The following HTT variants were observed in gnomAD, a reference collection of about 807,000 sequenced individuals.
HTT encodes huntingtin.
In HTT, 104 loss-of-function variants were observed where a neutral mutation model predicts 362.3. The ratio of observed to expected loss-of-function variants is 0.29; its 90% CI spans 0.24 to 0.34. HTT has a LOEUF of 0.34. Among genes scored for constraint, HTT ranks in the 10% least tolerant of loss-of-function variants. The pLI, the probability that HTT is intolerant of heterozygous loss-of-function variation, is 1.00. For missense variants in HTT, 3,301 were observed against 3,928.6 expected, an observed-to-expected ratio of 0.84 and a Z score of 4.27; for synonymous variants, 1,577 against 1,548.7, an observed-to-expected ratio of 1.02 and a Z score of -0.43.
intron 37 of HTT, among the ~76,000 whole-genome samples, chr4:3,183,859 G>A (rs1718637482): frequency 6.6e-6 from 1 of 152,204 alleles, no homozygotes; most frequent in African/African-American, 2.4e-5. Flanking sequence ...TGCAGCACCT[G>A]CCAGGTAGCT....
chr4:3,209,640 A>G (rs569996192), intron 46 of HTT, among the ~76,000 whole-genome samples, 187 bp from the exon 47 acceptor site: 2 of 152,270 alleles, frequency 1.3e-5, no homozygotes, highest in African/African-American at 4.8e-5. Flanking sequence ...GTGCCCAGGC[A>G]GGTAACAGAA....
chr4:3,127,564 G>A lies in HTT; in HGVS notation c.1703G>A (p.Gly568Glu). 6.2e-7 allele frequency: 1 copy of A among 1,614,010 alleles called. No homozygotes were observed. Among genetic ancestry groups the A allele is most frequent in the East Asian group, 2.2e-5 (1 of 44,880 alleles). ...GACAGCTCCCAGACCACCACCGAAGGGCCTGATTCAGCTGTTACCCCTTCA... is the reference window on the plus strand; with the variant it reads ...GACAGCTCCCAGACCACCACCGAAGAGCCTGATTCAGCTGTTACCCCTTCA... ...ISDSSQTTTE[G>E]PDSAVTPSDS... is the part of the protein sequence containing the mutation. The change falls in exon 12 of 67, where the codon GGG (glycine) becomes GAG (glutamate). Residue 568 changes from glycine (G) to glutamate (E), a missense_variant. Physicochemically the swap from Gly to Glu is moderately conservative, Grantham distance 98. Around this residue, in one of 4 missense-constraint regions of HTT, gnomAD observed 2,316 missense variants for 2,658.5 expected, o/e 0.87. Transcript: ENST00000355072.
At chr4:3,079,958 C>T (rs114828069) in intron 1 of HTT, among the ~76,000 whole-genome samples, 260 of 152,244 alleles carry the variant, frequency 1.7e-3, no homozygotes, top group Middle Eastern at 6.8e-3. Flanking sequence ...CAGTAGCTTG[C>T]GTTATCAGGT....
chr4:3,136,120 A>G lies in HTT; in HGVS notation c.2698-106A>G, dbSNP rs1578526616. On this transcript the variant is annotated intron_variant, in intron 20 of 66. Coordinates refer to ENST00000355072, the MANE Select transcript of HTT (RefSeq NM_001388492.1). The stretch of plus-strand genomic sequence containing the variant: ...AGTTATAATCTTGTCATATGGATTT[A>G]AGTCTAGTAATGTTGAGTTCTTTCT... 3.3e-6 allele frequency: 3 copies of G among 899,224 alleles called. No individual in the cohort carries two copies. In the East Asian group the frequency reaches 7.7e-5, roughly 23 times the overall value. 55.7% of individuals were successfully genotyped at this position (899,224 alleles called of 1,614,324 possible). A position where few individuals can be genotyped will look rare whatever the true frequency, so the allele number is the denominator to read the frequency against.
chr4:3,135,997 T>G (rs753622019), intron 20 of HTT, 30 bp downstream of exon 20: 3 of 1,503,170 alleles, frequency 2.0e-6, no homozygotes, highest in Non-Finnish European at 2.7e-6. Context: ...GAGATGCTGT[T>G]TTACCTTCAA....
rs76387773 is a variant in HTT, at chr4:3,222,827, A to G, written c.7470+340A>G. The stretch of plus-strand genomic sequence containing the variant: ...AATGAAAAGGCACTTTATAAAGGCC[A>G]TGAGTAGTACCTGGTTTCATTTTTC... On this transcript the variant is annotated intron_variant, in intron 54 of 66. Transcript: ENST00000355072. Among the ~76,000 whole-genome samples, 581 of 152,358 alleles carry G rather than the reference A, an allele frequency of 3.8e-3. 2 individuals are homozygous for G. The highest frequency in any genetic ancestry group is 5.9e-3 in the Non-Finnish European group (401 of 68,040).
chr4:3,143,465 A>AAAGTAAAC (rs1206539815), intron 23 of HTT, among the ~76,000 whole-genome samples: 2 of 151,488 alleles, frequency 1.3e-5, no homozygotes, highest in African/African-American at 4.8e-5. Context: ...AGAAAAGAAA[A>AAAGTAAAC]AAGTAAACTA....
chr4:3,167,140 C>T (rs1312126928), intron 29 of HTT, among the ~76,000 whole-genome samples: 8 of 152,218 alleles, frequency 5.3e-5, no homozygotes, highest in South Asian at 4.1e-4. Context: ...GGCACAATCT[C>T]GGCCCACTGC....
intron 6 of HTT, among the ~76,000 whole-genome samples, chr4:3,109,779 G>A (rs1714640209): frequency 6.6e-6 from 1 of 152,104 alleles, no homozygotes; most frequent in African/African-American, 2.4e-5. Flanking sequence ...GTTGGTGACT[G>A]TACCTTCATG....
chr4:3,200,521 C>G (rs868426168), intron 41 of HTT, among the ~76,000 whole-genome samples: 1 of 152,200 alleles, frequency 6.6e-6, no homozygotes, highest in Non-Finnish European at 1.5e-5. Flanking sequence ...GTGACCACCC[C>G]CAACCCTGGC....
At chr4:3,094,455 C>G (rs766684009) in intron 2 of HTT, among the ~76,000 whole-genome samples, 56 of 151,614 alleles carry the variant, frequency 3.7e-4, no homozygotes, top group Non-Finnish European at 7.7e-4. Flanking sequence ...GGGTGGCGGC[C>G]GGGCAGAGGG....
rs778943235 is a variant in HTT at position 3,142,891 on chromosome 4, GTCTC to G, written c.3066+7_3066+10del. On this transcript the variant is annotated splice_donor_region_variant and intron_variant, in intron 23 of 66. Transcript: ENST00000355072. The stretch of plus-strand genomic sequence containing the variant: ...TCAACCACCAGAGCACTCACAGTAA[GTCTC>G]TTTCTTGATCGGTCTTACTGACATT... The G allele has an allele frequency of 1.2e-6, 2 of 1,611,898 alleles. No homozygotes were observed. Among genetic ancestry groups the G allele is most frequent in the Non-Finnish European group, 1.7e-6 (2 of 1,178,442 alleles).
rs749063835 is a variant in HTT, at chr4:3,228,910, C to T, written c.8010C>T (p.Ser2670=). 6.2e-7 allele frequency: 1 copy of T among 1,613,882 alleles called. No individual in the cohort carries two copies. The highest frequency in any genetic ancestry group is 8.5e-7 in the Non-Finnish European group (1 of 1,179,842). ...RKHRAGVDIH[S]CSQFLLELYS... The stretch of plus-strand genomic sequence containing the variant: ...ACCGGGCTGGAGTTGACATCCACTC[C>T]TGTTCGCAGTTTTTGCTTGAGTTGT... Residue 2670 remains serine, a synonymous_variant, in exon 59 of 67, where the codon TCC becomes TCT. Transcript: ENST00000355072. This position sits in a 1 kb window ranked among gnomAD's most constrained non-coding sequence, Gnocchi z 4.3.
At position 3,172,950 on chromosome 4, in the gene HTT, G is replaced by C; in HGVS notation, c.3985G>C (p.Asp1329His). The change falls in exon 31 of 67, where the codon GAT (aspartate) becomes CAT (histidine). Residue 1329 changes from aspartate (D) to histidine (H), a missense_variant. Coordinates refer to ENST00000355072, the MANE Select transcript of HTT (RefSeq NM_001388492.1). ...LFGTNLASQF[D>H]GLSSNPSKSQ... is the part of the protein sequence containing the mutation. ...TGGCACAAACTTGGCCTCCCAGTTT[G>C]ATGGCTTATCTTCCAACCCCAGCAA... The C allele has an allele frequency of 6.2e-7, 1 of 1,614,148 alleles. No homozygotes were observed. The highest frequency in any genetic ancestry group is 8.5e-7 in the Non-Finnish European group (1 of 1,180,034).
intron 35 of HTT, among the ~76,000 whole-genome samples, chr4:3,179,192 G>A (rs1364664225): frequency 1.3e-5 from 2 of 152,130 alleles, no homozygotes; most frequent in Non-Finnish European, 2.9e-5. Flanking sequence ...AGCATCAACC[G>A]GGCTGTGTTG....
intron 1 of HTT, among the ~76,000 whole-genome samples, chr4:3,076,871 T>C (rs1022251839): frequency 6.6e-6 from 1 of 152,174 alleles, no homozygotes; most frequent in Non-Finnish European, 1.5e-5. Context: ...TAATATATGA[T>C]TACCTTATTT....
chr4:3,075,647 C>CGGGGG (rs1560535774), intron 1 of HTT, among the ~76,000 whole-genome samples: 10 of 61,666 alleles, frequency 1.6e-4, no homozygotes, highest in African/African-American at 2.7e-4. Context: ...AGTGGCGGGG[C>CGGGGG]AGGGGGGGGG....
chr4:3,243,729 G>C lies in HTT; in HGVS notation c.*3670G>C, dbSNP rs1189298980. On this transcript the variant is annotated 3_prime_UTR_variant, in exon 67 of 67. Transcript: ENST00000355072. ...CTACGGAGGGTGGGCTCTGACCCAAGTGGGGCCTCCTTGTCCAGGTCTCAC... is the reference window on the plus strand; with the variant it reads ...CTACGGAGGGTGGGCTCTGACCCAACTGGGGCCTCCTTGTCCAGGTCTCAC... 1.3e-5 allele frequency: 2 copies of C among 152,256 alleles called. No individual in the cohort carries two copies. Among genetic ancestry groups the C allele is most frequent in the African/African-American group, 2.4e-5 (1 of 41,462 alleles). 9.4% of individuals were successfully genotyped at this position (152,256 alleles called of 1,614,324 possible).
chr4:3,143,861 C>G (rs1052032355), intron 23 of HTT, among the ~76,000 whole-genome samples: 3 of 152,224 alleles, frequency 2.0e-5, no homozygotes, highest in Middle Eastern at 3.4e-3. Context: ...CCTCGACCCC[C>G]CAAAGTGCTG....
Sources: gnomAD v4.1 joint callset for allele counts (sites outside exome capture counted in the v4.1 genomes callset) on GRCh38, gnomAD v4.1.1 for gene constraint, gnomAD v4.1.1 regional missense constraint, Gnocchi (gnomAD v3.1) non-coding constraint, MANE v1.5 for transcripts, NCBI Gene and HGNC (gene_info 2026-07-23, HGNC 2026-07-21) for gene names.